BTF3L4: variants seen among roughly 807,000 people sequenced by gnomAD.
BTF3L4 encodes basic transcription factor 3 like 4.
BTF3L4 carries 6 observed loss-of-function variants against 16.8 expected under a neutral mutation model. The observed-to-expected ratio is 0.36, with a 90% confidence interval of 0.20 to 0.71. BTF3L4 has a LOEUF of 0.71. Among genes scored for constraint, BTF3L4 ranks in the 30% least tolerant of loss-of-function variants. The pLI is 0.58. For missense variants in BTF3L4, 92 were observed against 186.9 expected (o/e 0.49, Z 2.96); for synonymous variants, 39 against 59.8 (o/e 0.65, Z 1.60).
intron 2 of BTF3L4, among the ~76,000 whole-genome samples, chr1:52,061,893 C>T (rs1396254853): frequency 2.0e-5 from 3 of 151,458 alleles, no homozygotes; most frequent in Admixed American, 6.6e-5. Flanking sequence ...CTGCCCATCT[C>T]GGCCTCCCAA....
intron 4 of BTF3L4, among the ~76,000 whole-genome samples, chr1:52,084,559 A>G (rs1643952938): frequency 6.6e-6 from 1 of 150,884 alleles, no homozygotes. Context: ...TGTGATGCTG[A>G]GGAGGGAGTA....
Position 52,086,993 on chromosome 1 carries a change from T to G in BTF3L4, c.*235T>G. 2.5e-6 allele frequency: 1 copy of G among 400,798 alleles called. No individual in the cohort carries two copies. Among genetic ancestry groups the G allele is most frequent in the East Asian group, 3.9e-5 (1 of 25,446 alleles). 24.8% of individuals were successfully genotyped at this position (400,798 alleles called of 1,614,324 possible). A position where few individuals can be genotyped will look rare whatever the true frequency, so the allele number is the denominator to read the frequency against. ...AGTATTGGTGCAGTTTGAGGGTGTT[T>G]TGGTTTTTGATTCCTGGTTTTTTTG... On this transcript the variant is annotated 3_prime_UTR_variant, in exon 6 of 6. Transcript: ENST00000313334.
chr1:52,065,749 A>G (rs1306459517), intron 3 of BTF3L4, among the ~76,000 whole-genome samples: 2 of 152,134 alleles, frequency 1.3e-5, no homozygotes, highest in Admixed American at 1.3e-4. Flanking sequence ...TTTAAAATGT[A>G]TTAGTCAGCC....
At chr1:52,078,096 C>G (rs1205478999) in intron 3 of BTF3L4, among the ~76,000 whole-genome samples, 1 of 152,064 alleles carries the variant, frequency 6.6e-6, no homozygotes. Context: ...CAGGGTCTCG[C>G]TCTGTCACCC....
chr1:52,067,103 G>A (rs532488048), intron 3 of BTF3L4, among the ~76,000 whole-genome samples: 1 of 152,222 alleles, frequency 6.6e-6, no homozygotes, highest in South Asian at 2.1e-4. Context: ...AGGCATGGTA[G>A]TGCGTGCCTG....
intron 3 of BTF3L4, among the ~76,000 whole-genome samples, chr1:52,067,995 T>C (rs1199511400): frequency 2.9e-5 from 1 of 34,682 alleles, no homozygotes; most frequent in African/African-American, 5.2e-5. Flanking sequence ...AACACTTCTT[T>C]AGAGAGGAAA....
At chr1:52,067,620 T>G (rs1338061474) in intron 3 of BTF3L4, among the ~76,000 whole-genome samples, 1 of 152,196 alleles carries the variant, frequency 6.6e-6, no homozygotes, top group African/African-American at 2.4e-5. Flanking sequence ...TCTAAGTCCT[T>G]TCAAACCTCT....
At chr1:52,065,740 T>G (rs1686630667) in intron 3 of BTF3L4, among the ~76,000 whole-genome samples, 1 of 152,114 alleles carries the variant, frequency 6.6e-6, no homozygotes, top group South Asian at 2.1e-4. Flanking sequence ...CAAAAATTGT[T>G]TAAAATGTAT....
intron 1 of BTF3L4, 98 bp from the exon 2 acceptor site, chr1:52,059,737 A>G (rs1277684294): frequency 3.3e-6 from 3 of 906,232 alleles, no homozygotes; most frequent in Non-Finnish European, 5.3e-6. Flanking sequence ...GTGTTGATGC[A>G]TACTACAAGC....
At chr1:52,072,665 G>T (rs529568818) in intron 3 of BTF3L4, among the ~76,000 whole-genome samples, 2 of 152,022 alleles carry the variant, frequency 1.3e-5, no homozygotes, top group Non-Finnish European at 2.9e-5. Context: ...AGAACTTCAC[G>T]GATTTATAGC....
chr1:52,060,021 T>A, intron 2 of BTF3L4, 120 bp downstream of exon 2: 1 of 930,908 alleles, frequency 1.1e-6, no homozygotes, highest in Non-Finnish European at 1.6e-6. Context: ...CAAACCACAT[T>A]CCAATTTGAA....
At chr1:52,071,704 T>C (rs1271719850) in intron 3 of BTF3L4, among the ~76,000 whole-genome samples, 1 of 152,216 alleles carries the variant, frequency 6.6e-6, no homozygotes, top group Non-Finnish European at 1.5e-5. Context: ...TTCCTGGTTC[T>C]TGTTTTTTCT....
chr1:52,079,846 A>G (rs887701352), intron 3 of BTF3L4, among the ~76,000 whole-genome samples: 5 of 148,390 alleles, frequency 3.4e-5, no homozygotes, highest in African/African-American at 1.2e-4. Flanking sequence ...TCATGAGGCC[A>G]TGGAATTTTC....
intron 2 of BTF3L4, among the ~76,000 whole-genome samples, chr1:52,061,955 A>T (rs1358176630): frequency 7.0e-6 from 1 of 143,552 alleles, no homozygotes; most frequent in Non-Finnish European, 1.5e-5. Flanking sequence ...TTTTTTTTTT[A>T]AGATGGAATC....
intron 3 of BTF3L4, among the ~76,000 whole-genome samples, chr1:52,071,870 A>C (rs1257673296): frequency 6.6e-6 from 1 of 150,940 alleles, no homozygotes; most frequent in Non-Finnish European, 1.5e-5. Flanking sequence ...TTACCATTCC[A>C]TAGCATCCTT....
At chr1:52,059,743 C>G in intron 1 of BTF3L4, 92 bp from the exon 2 acceptor site, 2 of 1,031,984 alleles carry the variant, frequency 1.9e-6, no homozygotes, top group Non-Finnish European at 1.5e-6. Context: ...ATGCATACTA[C>G]AAGCTCAGTG....
intron 2 of BTF3L4, among the ~76,000 whole-genome samples, chr1:52,062,432 C>A (rs1289729237): frequency 6.6e-6 from 1 of 151,538 alleles, no homozygotes; most frequent in Non-Finnish European, 1.5e-5. Context: ...AAACTCCTGA[C>A]CTTATGATCT....
At chr1:52,072,030 G>GTTT (rs201067384) in intron 3 of BTF3L4, among the ~76,000 whole-genome samples, 6 of 62,102 alleles carry the variant, frequency 9.7e-5, no homozygotes, top group South Asian at 5.8e-4. Context: ...GTTTTTTTTT[G>GTTT]TTTTTTTTTT....
rs1014422500 is a variant in BTF3L4, at chr1:52,089,752, A to C, written c.*2994A>C. ...GCCTTATCTGTTTTGGACAAGTCCAAAGTAAATGGTTGGGCTCTTATATCT... is the reference window on the plus strand; with the variant it reads ...GCCTTATCTGTTTTGGACAAGTCCACAGTAAATGGTTGGGCTCTTATATCT... On this transcript the variant is annotated 3_prime_UTR_variant, in exon 6 of 6. Transcript: ENST00000313334. 1 of 152,152 alleles carries C rather than the reference A, an allele frequency of 6.6e-6. No homozygotes were observed. The highest frequency in any genetic ancestry group is 2.1e-4 in the South Asian group (1 of 4,826). 9.4% of individuals were successfully genotyped at this position (152,152 alleles called of 1,614,324 possible). A position where few individuals can be genotyped will look rare whatever the true frequency, so the allele number is the denominator to read the frequency against.
Sources: allele counts gnomAD v4.1 joint callset (sites outside exome capture counted in the v4.1 genomes callset), GRCh38; gene constraint gnomAD v4.1.1; transcripts MANE v1.5; gene names NCBI Gene and HGNC (gene_info 2026-07-23, HGNC 2026-07-21).